Variants in STXBP5L observed in about 807,000 individuals in gnomAD.
The protein encoded by STXBP5L is syntaxin binding protein 5L, also known as syntaxin-binding protein 5-like.
A neutral mutation model predicts 144.5 loss-of-function variants in STXBP5L; 65 were observed. The ratio of observed to expected loss-of-function variants is 0.45; its 90% CI spans 0.37 to 0.55. The LOEUF is 0.55. STXBP5L is among the 20% of genes least tolerant of loss of function. The probability of loss-of-function intolerance (pLI) is 0.00; values close to 1 mark genes in which losing one functional copy is unlikely to be tolerated. For synonymous variants in STXBP5L, 505 were observed against 469.6 expected (o/e 1.08, Z -0.97); for missense variants, 1,298 against 1,405.5 (o/e 0.92, Z 1.22).
chr3:121,415,520 G>T (rs2047212629), intron 24 of STXBP5L, among the ~76,000 whole-genome samples: 1 of 152,142 alleles, frequency 6.6e-6, no homozygotes, highest in African/African-American at 2.4e-5. Context: ...GGATAAAAAA[G>T]AAGCTATAGT....
intron 21 of STXBP5L, 44 bp from the exon 22 acceptor site, chr3:121,381,249 A>G: frequency 6.6e-7 from 1 of 1,518,642 alleles, no homozygotes; most frequent in Non-Finnish European, 8.9e-7. Flanking sequence ...TATTGTGGAA[A>G]TATACTAACA....
At chr3:121,037,196 G>C (rs1026480365) in intron 3 of STXBP5L, among the ~76,000 whole-genome samples, 1 of 150,470 alleles carries the variant, frequency 6.6e-6, no homozygotes, top group African/African-American at 2.4e-5. Flanking sequence ...GCTTCCGAAA[G>C]TATTGGGATT....
At chr3:121,106,403 C>T (rs918986207) in intron 5 of STXBP5L, among the ~76,000 whole-genome samples, 5 of 152,060 alleles carry the variant, frequency 3.3e-5, no homozygotes, top group Non-Finnish European at 7.4e-5. Flanking sequence ...CACTTTCCCT[C>T]CCTCCCAACC....
chr3:120,957,779 A>G (rs1435324589), intron 3 of STXBP5L, among the ~76,000 whole-genome samples: 1 of 152,184 alleles, frequency 6.6e-6, no homozygotes, highest in African/African-American at 2.4e-5. Context: ...GGAAATTTAT[A>G]GCACTAAATG....
intron 5 of STXBP5L, among the ~76,000 whole-genome samples, chr3:121,089,764 T>C (rs1393918246): frequency 6.6e-6 from 1 of 152,026 alleles, no homozygotes; most frequent in African/African-American, 2.4e-5. Context: ...CTGGTATTTT[T>C]TTACTTATAT....
intron 3 of STXBP5L, among the ~76,000 whole-genome samples, chr3:121,012,296 G>A (rs1455113907): frequency 6.6e-6 from 1 of 151,728 alleles, no homozygotes; most frequent in African/African-American, 2.4e-5. Flanking sequence ...GCTTTTGTGT[G>A]CATATGTTTT....
chr3:121,318,226 G>A (rs1474308861), intron 19 of STXBP5L, among the ~76,000 whole-genome samples: 2 of 152,034 alleles, frequency 1.3e-5, no homozygotes, highest in East Asian at 3.8e-4. Flanking sequence ...GGGAAGCTGA[G>A]GTGGGAGTAT....
At chr3:121,112,915 A>G (rs1334561965) in intron 5 of STXBP5L, among the ~76,000 whole-genome samples, 1 of 152,172 alleles carries the variant, frequency 6.6e-6, no homozygotes, top group African/African-American at 2.4e-5. Flanking sequence ...GTGTTAGTAT[A>G]TCTTTTCCTT....
chr3:121,073,527 G>T (rs1297136131), intron 5 of STXBP5L, among the ~76,000 whole-genome samples: 3 of 152,170 alleles, frequency 2.0e-5, no homozygotes, highest in Non-Finnish European at 4.4e-5. Flanking sequence ...TATGCCGTGG[G>T]CCAGTACCAT....
intron 5 of STXBP5L, among the ~76,000 whole-genome samples, chr3:121,064,927 A>G (rs2041471464): frequency 6.6e-6 from 1 of 152,168 alleles, no homozygotes; most frequent in Non-Finnish European, 1.5e-5. Context: ...CATAGTGTCC[A>G]TTCTTCAAAT....
chr3:121,240,097 T>G (rs1363753649), intron 13 of STXBP5L, among the ~76,000 whole-genome samples: 1 of 152,160 alleles, frequency 6.6e-6, no homozygotes, highest in East Asian at 1.9e-4. Context: ...GAGACACTAT[T>G]TACATAGCTT....
intron 3 of STXBP5L, among the ~76,000 whole-genome samples, chr3:120,987,736 T>C (rs1186873090): frequency 6.6e-6 from 1 of 151,854 alleles, no homozygotes; most frequent in Non-Finnish European, 1.5e-5. Flanking sequence ...CTACATTTTA[T>C]ACTTAAATAT....
intron 2 of STXBP5L, among the ~76,000 whole-genome samples, chr3:120,942,552 A>G (rs896889754): frequency 6.6e-6 from 1 of 151,614 alleles, no homozygotes; most frequent in East Asian, 1.9e-4. Flanking sequence ...CTTCAAATTT[A>G]CAACTAGAAA....
chr3:121,352,671 A>G (rs2108616334), intron 20 of STXBP5L, among the ~76,000 whole-genome samples: 1 of 152,118 alleles, frequency 6.6e-6, no homozygotes, highest in South Asian at 2.1e-4. Flanking sequence ...AATACCCTTT[A>G]TTTCTTTCTC....
At chr3:121,406,185 G>A (rs1256317205) in intron 22 of STXBP5L, among the ~76,000 whole-genome samples, 1 of 151,858 alleles carries the variant, frequency 6.6e-6, no homozygotes, top group Non-Finnish European at 1.5e-5. Flanking sequence ...AGCCTCTGCC[G>A]TTACCCTTAT....
intron 22 of STXBP5L, among the ~76,000 whole-genome samples, chr3:121,392,041 G>A (rs1377725535): frequency 6.6e-6 from 1 of 152,200 alleles, no homozygotes; most frequent in Non-Finnish European, 1.5e-5. Flanking sequence ...AGGCCTTGTT[G>A]AGCTGTGGTG....
chr3:121,281,981 G>A (rs2051075839), intron 19 of STXBP5L, among the ~76,000 whole-genome samples: 2 of 150,858 alleles, frequency 1.3e-5, no homozygotes, highest in South Asian at 4.2e-4. Flanking sequence ...ACTTTTATAA[G>A]ACATTTAAAT....
At chr3:121,290,496 A>G (rs952727416) in intron 19 of STXBP5L, among the ~76,000 whole-genome samples, 4 of 152,162 alleles carry the variant, frequency 2.6e-5, no homozygotes, top group African/African-American at 9.7e-5. Flanking sequence ...ATTGGTACCA[A>G]TCCTATTGAA....
chr3:120,917,710 A>G (rs1245154577), intron 2 of STXBP5L, among the ~76,000 whole-genome samples: 1 of 152,160 alleles, frequency 6.6e-6, no homozygotes, highest in Non-Finnish European at 1.5e-5. Context: ...TCTCTAAGAT[A>G]AATAAATAAG....
Sources: allele counts gnomAD v4.1 joint callset (sites outside exome capture counted in the v4.1 genomes callset), GRCh38; gene constraint gnomAD v4.1.1; transcripts MANE v1.5; gene names NCBI Gene and HGNC (gene_info 2026-07-23, HGNC 2026-07-21).